Variants in CRISPLD2 observed in about 807,000 individuals in gnomAD.
CRISPLD2 encodes the protein cysteine rich secretory protein LCCL domain containing 2.
CRISPLD2 carries 47 observed loss-of-function variants against 71.1 expected under a neutral mutation model. The observed-to-expected ratio is 0.66, with a 90% CI of 0.52 to 0.84. The LOEUF (loss-of-function observed/expected upper bound fraction) is 0.84. Among genes scored for constraint, CRISPLD2 ranks in the 40% least tolerant of loss-of-function variants. The probability of loss-of-function intolerance (pLI) is 0.00; values close to 1 mark genes in which losing one functional copy is unlikely to be tolerated. For synonymous variants in CRISPLD2, 317 were observed against 250.1 expected (o/e 1.27, Z -2.52); for missense variants, 830 against 651.1 (o/e 1.27, Z -2.99).
chr16:84,895,796 C>G (rs937697569), intron 14 of CRISPLD2, among the ~76,000 whole-genome samples: 1 of 152,144 alleles, frequency 6.6e-6, no homozygotes, highest in Non-Finnish European at 1.5e-5. Context: ...CTACTGAGCA[C>G]CTGCTGGATG....
At chr16:84,901,330 G>C (rs543438372) in intron 14 of CRISPLD2, among the ~76,000 whole-genome samples, 3 of 152,282 alleles carry the variant, frequency 2.0e-5, no homozygotes, top group South Asian at 2.1e-4. Context: ...CCTCTGGGGA[G>C]AACTTGGTGC....
At chr16:84,879,640 G>C (rs2071551095) in intron 12 of CRISPLD2, among the ~76,000 whole-genome samples, 1 of 152,036 alleles carries the variant, frequency 6.6e-6, no homozygotes, top group African/African-American at 2.4e-5. Context: ...GGGATCACAG[G>C]TGTGAGCCAC....
chr16:84,875,320 A>C (rs1025099797), intron 11 of CRISPLD2, among the ~76,000 whole-genome samples: 2 of 150,800 alleles, frequency 1.3e-5, no homozygotes, highest in African/African-American at 4.9e-5. Flanking sequence ...AGCTTGTCCA[A>C]CCCACAGCCC....
chr16:84,866,778 G>A (rs994123679), intron 6 of CRISPLD2, 119 bp from the exon 7 acceptor site: 3 of 952,950 alleles, frequency 3.1e-6, no homozygotes, highest in African/African-American at 1.7e-5. Context: ...CCGCTGAAAT[G>A]ATTCTTTGTA....
chr16:84,872,693 A>G (rs180786700), intron 9 of CRISPLD2, among the ~76,000 whole-genome samples, 185 bp downstream of exon 9: 1 of 152,338 alleles, frequency 6.6e-6, no homozygotes, highest in African/African-American at 2.4e-5. Flanking sequence ...TTCGGGGACC[A>G]ATCCTCCTGA....
intron 1 of CRISPLD2, among the ~76,000 whole-genome samples, chr16:84,823,580 C>T (rs528648926): frequency 6.6e-6 from 1 of 152,338 alleles, no homozygotes; most frequent in South Asian, 2.1e-4. Context: ...ACAGCAGCAG[C>T]AGGCAGGGAA....
chr16:84,846,146 TTTTCCTTCTTCC>T (rs150623396), intron 3 of CRISPLD2: 4,736 of 368,718 alleles, frequency 0.013, 150 homozygotes, highest in African/African-American at 0.072. Context: ...GTAGTTTGGG[TTTTCCTTCTTCC>T]TTTCCTTCTT....
intron 14 of CRISPLD2, among the ~76,000 whole-genome samples, chr16:84,899,044 C>T (rs1276005419): frequency 6.6e-6 from 1 of 152,128 alleles, no homozygotes; most frequent in Non-Finnish European, 1.5e-5. Flanking sequence ...AGGCGTGCAC[C>T]ACCACATCTG....
Position 84,854,768 on chromosome 16 carries a change from G to A in CRISPLD2, c.648G>A (p.Arg216=), listed in dbSNP as rs746927848. ...GAGAAGCCCCCTACAAGAATGGCCG[G>A]CCCTGCTCTGAGTGCCCACCCAGCT... ...WIGEAPYKNG[R]PCSECPPSYG... The change falls in exon 6 of 15, where the codon CGG becomes CGA. Residue 216 remains arginine (R), a synonymous_variant. Coordinates refer to ENST00000262424, the MANE Select transcript of CRISPLD2 (RefSeq NM_031476.4). 1.2e-6 allele frequency: 2 copies of A among 1,614,178 alleles called. No individual in the cohort carries two copies. The highest frequency in any genetic ancestry group is 1.7e-5 in the Admixed American group (1 of 60,022).
rs757572271 is a variant in CRISPLD2 at position 84,877,454 on chromosome 16, C to G, written c.1173C>G (p.Cys391Trp). The change falls in exon 12 of 15, where the codon TGC becomes TGG. Residue 391 changes from cysteine to tryptophan, a missense_variant. Cys to Trp is a radical substitution (Grantham distance 215, BLOSUM62 -2). Coordinates refer to ENST00000262424, the MANE Select transcript of CRISPLD2 (RefSeq NM_031476.4). ...TGTTCACAGTGCAGGATTTGGACTG[C>G]TACACGACCGTTGCTCAGCTGTGCC... ...VSKVKVQDLD[C>W]YTTVAQLCPF... 2.5e-6 allele frequency: 4 copies of G among 1,613,786 alleles called. No homozygotes were observed. The highest frequency in any genetic ancestry group is 2.5e-6 in the Non-Finnish European group (3 of 1,179,848).
intron 12 of CRISPLD2, among the ~76,000 whole-genome samples, chr16:84,878,587 T>C (rs1213941377): frequency 6.6e-6 from 1 of 152,232 alleles, no homozygotes; most frequent in Non-Finnish European, 1.5e-5. Context: ...GAATCGGTTC[T>C]ACAGGCAGCT....
intron 2 of CRISPLD2, among the ~76,000 whole-genome samples, chr16:84,840,217 C>T (rs1409044668): frequency 1.3e-5 from 2 of 152,160 alleles, no homozygotes; most frequent in Non-Finnish European, 2.9e-5. Context: ...GGGTGATGAC[C>T]CGTGTCTCCC....
At position 84,845,913 on chromosome 16, in the gene CRISPLD2, C is replaced by T. The variant is rs1916902274; in HGVS notation, c.359+9C>T. 1.3e-6 allele frequency: 2 copies of T among 1,574,832 alleles called. No individual in the cohort carries two copies. Among genetic ancestry groups the T allele is most frequent in the Admixed American group, 3.4e-5 (2 of 59,538 alleles). The stretch of plus-strand genomic sequence containing the variant: ...GGCGCTCACTGGGGCAGGTAAGAGC[C>T]ACAAGTTCCTCTCCGGCTGCCGCAG... On this transcript the variant is annotated intron_variant, in intron 3 of 14. Coordinates refer to ENST00000262424, the MANE Select transcript of CRISPLD2 (RefSeq NM_031476.4).
chr16:84,842,795 G>A (rs1418370713), intron 2 of CRISPLD2, among the ~76,000 whole-genome samples: 1 of 152,190 alleles, frequency 6.6e-6, no homozygotes, highest in Non-Finnish European at 1.5e-5. Flanking sequence ...GAGACCCATT[G>A]AATCCGCGCA....
intron 13 of CRISPLD2, among the ~76,000 whole-genome samples, chr16:84,885,521 C>T (rs1270068000): frequency 6.6e-6 from 1 of 152,216 alleles, no homozygotes; most frequent in Non-Finnish European, 1.5e-5. Context: ...CCCTGCAGGT[C>T]CACGGCCTTC....
intron 14 of CRISPLD2, among the ~76,000 whole-genome samples, chr16:84,902,601 C>T (rs1031856336): frequency 6.6e-6 from 1 of 150,542 alleles, no homozygotes; most frequent in Admixed American, 6.6e-5. Flanking sequence ...CAGAGCGAGA[C>T]TCCATCTCAA....
chr16:84,856,365 C>T (rs1917241760), intron 6 of CRISPLD2, among the ~76,000 whole-genome samples: 1 of 152,226 alleles, frequency 6.6e-6, no homozygotes, highest in African/African-American at 2.4e-5. Flanking sequence ...CACTGTAACT[C>T]CCTTCTTAGC....
intron 14 of CRISPLD2, among the ~76,000 whole-genome samples, chr16:84,894,600 C>T (rs144938615): frequency 1.3e-5 from 2 of 152,190 alleles, no homozygotes; most frequent in East Asian, 3.9e-4. Flanking sequence ...TGTGAGCACA[C>T]ATGGGATTCT....
intron 8 of CRISPLD2, among the ~76,000 whole-genome samples, chr16:84,871,474 G>A (rs2071468561): frequency 6.6e-6 from 1 of 152,112 alleles, no homozygotes; most frequent in African/African-American, 2.4e-5. Flanking sequence ...AGGAAGTTGA[G>A]GCTACAGTGA....
Sources: gnomAD v4.1 joint callset for allele counts (sites outside exome capture counted in the v4.1 genomes callset) on GRCh38, gnomAD v4.1.1 for gene constraint, MANE v1.5 for transcripts, NCBI Gene and HGNC (gene_info 2026-07-23, HGNC 2026-07-21) for gene names.